NEDD4L: variants seen among roughly 807,000 people sequenced by gnomAD.
The protein encoded by NEDD4L is E3 ubiquitin-protein ligase NEDD4-like.
A neutral mutation model predicts 148.9 loss-of-function variants in NEDD4L; 54 were observed. The ratio of observed to expected loss-of-function variants is 0.36; its 90% CI spans 0.29 to 0.45. NEDD4L has a LOEUF of 0.45. NEDD4L is among the 20% of genes least tolerant of loss of function. The pLI is 1.00. For missense variants in NEDD4L, 856 were observed against 1,233.8 expected (o/e 0.69, Z 4.59); for synonymous variants, 433 against 440.7 (o/e 0.98, Z 0.22).
At chr18:58,158,137 C>T (rs1201489054) in intron 1 of NEDD4L, among the ~76,000 whole-genome samples, 4 of 152,190 alleles carry the variant, frequency 2.6e-5, no homozygotes, top group Admixed American at 1.3e-4. Flanking sequence ...CAGAAGGACC[C>T]ATTTCTAAAA....
rs1342172777 is a variant in NEDD4L at position 58,330,879 on chromosome 18, C to G, written c.955C>G (p.Pro319Ala). The change falls in exon 11 of 31, where the codon CCA (proline) becomes GCA (alanine). Residue 319 changes from proline to alanine, a missense_variant. Coordinates refer to ENST00000400345, the MANE Select transcript of NEDD4L (RefSeq NM_001144967.3). ...EELSRRLQIT[P>A]DSNGEQFSSL... Reference sequence around the variant, plus strand: ...ACTAAGCAGAAGGCTTCAGATCACTCCAGACTCCAATGGGGAACAGTTCAG... The same window carrying G: ...ACTAAGCAGAAGGCTTCAGATCACTGCAGACTCCAATGGGGAACAGTTCAG... The G allele has an allele frequency of 1.2e-6, 2 of 1,613,902 alleles. No individual in the cohort carries two copies. The highest frequency in any genetic ancestry group is 1.3e-5 in the African/African-American group (1 of 75,020).
At chr18:58,339,773 C>T (rs1178812703) in intron 13 of NEDD4L, among the ~76,000 whole-genome samples, 1 of 152,264 alleles carries the variant, frequency 6.6e-6, no homozygotes, top group East Asian at 1.9e-4. Context: ...CCGGCAGCAT[C>T]CTTGTTGGTG....
At position 58,341,804 on chromosome 18, in the gene NEDD4L, C is replaced by T. The variant is rs372739641; in HGVS notation, c.1377+7C>T. The T allele has an allele frequency of 1.3e-5, 21 of 1,610,956 alleles. No individual in the cohort carries two copies. The highest frequency in any genetic ancestry group is 4.5e-5 in the East Asian group (2 of 44,790). On this transcript the variant is annotated splice_region_variant and intron_variant, in intron 15 of 30. Coordinates refer to ENST00000400345, the MANE Select transcript of NEDD4L (RefSeq NM_001144967.3). The stretch of plus-strand genomic sequence containing the variant: ...TTTATCTGCCCCGCTGGAGGTGAGA[C>T]GGCTACCTCATCTAACTGGACTCAC...
chr18:58,276,950 C>T (rs1358544981), intron 5 of NEDD4L, among the ~76,000 whole-genome samples: 8 of 151,986 alleles, frequency 5.3e-5, no homozygotes, highest in Non-Finnish European at 1.5e-5. Flanking sequence ...TGCTGTTGAT[C>T]AAACATTTCT....
At chr18:58,375,356 G>C (rs4940671) in intron 24 of NEDD4L, among the ~76,000 whole-genome samples, 46,970 of 151,868 alleles carry the variant, frequency 0.31, 7,874 homozygotes, top group African/African-American at 0.43. Flanking sequence ...TCCAGTGCCC[G>C]CCTAGCTGTG....
intron 5 of NEDD4L, among the ~76,000 whole-genome samples, chr18:58,285,369 C>T (rs1337365395): frequency 6.6e-6 from 1 of 151,992 alleles, no homozygotes; most frequent in Non-Finnish European, 1.5e-5. Flanking sequence ...TGCTCTGTCA[C>T]CCAGGCTGGA....
chr18:58,050,014 A>ATTTAT (rs998616410), intron 1 of NEDD4L, among the ~76,000 whole-genome samples: 1 of 148,920 alleles, frequency 6.7e-6, no homozygotes, highest in Admixed American at 6.7e-5. Flanking sequence ...AATGAATAGA[A>ATTTAT]TTTATTTTCT....
At chr18:58,112,380 ATTTATT>A (rs2145683314) in intron 1 of NEDD4L, among the ~76,000 whole-genome samples, 1 of 125,946 alleles carries the variant, frequency 7.9e-6, no homozygotes, top group Non-Finnish European at 1.7e-5. Flanking sequence ...TTATTTATTT[ATTTATT>A]TATTTATTTA....
chr18:58,100,640 G>T (rs1163193483), intron 1 of NEDD4L, among the ~76,000 whole-genome samples: 1 of 152,194 alleles, frequency 6.6e-6, no homozygotes, highest in Admixed American at 6.5e-5. Context: ...CATAAACCAG[G>T]CTCTCTCTCA....
chr18:58,146,775 T>TC (rs1172254676), intron 1 of NEDD4L, among the ~76,000 whole-genome samples: 1 of 152,068 alleles, frequency 6.6e-6, no homozygotes, highest in African/African-American at 2.4e-5. Context: ...TGCGGTGTGG[T>TC]CCCTTGCTCC....
At chr18:58,064,033 C>T (rs1434656444) in intron 1 of NEDD4L, among the ~76,000 whole-genome samples, 2 of 148,476 alleles carry the variant, frequency 1.3e-5, no homozygotes, top group African/African-American at 2.5e-5. Context: ...GGCGTGATCT[C>T]GGCTCACTGC....
chr18:58,351,161 GT>G (rs2043835060), intron 18 of NEDD4L, 116 bp downstream of exon 18: 2 of 1,522,076 alleles, frequency 1.3e-6, no homozygotes, highest in Admixed American at 2.0e-5. Context: ...CAGGTGTTAT[GT>G]GGAGAAAATG....
intron 2 of NEDD4L, among the ~76,000 whole-genome samples, chr18:58,208,550 T>TGC (rs368443928): frequency 1.3e-5 from 2 of 151,344 alleles, no homozygotes; most frequent in Admixed American, 6.6e-5. Flanking sequence ...AAGTCATCCT[T>TGC]AATTCCCTGT....
At chr18:58,142,341 C>T (rs930284872) in intron 1 of NEDD4L, among the ~76,000 whole-genome samples, 3 of 152,102 alleles carry the variant, frequency 2.0e-5, no homozygotes, top group East Asian at 3.9e-4. Context: ...AACCACACCG[C>T]GCCCAGCCCC....
At chr18:58,219,951 T>G (rs1267926095) in intron 2 of NEDD4L, among the ~76,000 whole-genome samples, 1 of 152,246 alleles carries the variant, frequency 6.6e-6, no homozygotes. Flanking sequence ...CTTATTTTTT[T>G]AACCTTCCAG....
chr18:58,072,342 C>G (rs1274523510), intron 1 of NEDD4L, among the ~76,000 whole-genome samples: 1 of 152,162 alleles, frequency 6.6e-6, no homozygotes, highest in Non-Finnish European at 1.5e-5. Flanking sequence ...TCCTCCCATT[C>G]TCACTACTTG....
At chr18:58,163,230 C>G (rs538292243) in intron 1 of NEDD4L, among the ~76,000 whole-genome samples, 1 of 152,288 alleles carries the variant, frequency 6.6e-6, no homozygotes, top group African/African-American at 2.4e-5. Context: ...ATAGGTACTT[C>G]AGGTTTTGAA....
rs184488966 is a variant in NEDD4L at position 58,062,298 on chromosome 18, G to A, written c.48+17590G>A. ...CTGTACTTCACCTGTGGAGTCTGTT[G>A]TCCTGAAAGGTGCCGGCTCAGGTGG... On this transcript the variant is annotated intron_variant, in intron 1 of 30. Coordinates refer to ENST00000400345, the MANE Select transcript of NEDD4L (RefSeq NM_001144967.3). Among the ~76,000 whole-genome samples, 5 of 152,176 alleles carry A rather than the reference G, an allele frequency of 3.3e-5. No individual in the cohort carries two copies. In the East Asian group the frequency reaches 7.7e-4, roughly 24 times the overall value.
chr18:58,262,989 A>G (rs1451792996), intron 5 of NEDD4L, among the ~76,000 whole-genome samples: 1 of 152,146 alleles, frequency 6.6e-6, no homozygotes, highest in Non-Finnish European at 1.5e-5. Flanking sequence ...CAATTTTAGA[A>G]CTGTGGACTG....
Sources: gnomAD v4.1 joint callset for allele counts (sites outside exome capture counted in the v4.1 genomes callset) on GRCh38, gnomAD v4.1.1 for gene constraint, MANE v1.5 for transcripts, NCBI Gene and HGNC (gene_info 2026-07-23, HGNC 2026-07-21) for gene names.